Variants in CNTNAP2 observed in about 807,000 individuals in gnomAD.
CNTNAP2 encodes the protein contactin associated protein 2.
Under a neutral mutation model 155.2 loss-of-function variants are expected in CNTNAP2, and 98 were observed. The ratio of observed to expected loss-of-function variants is 0.63; its 90% CI spans 0.54 to 0.75. The LOEUF is 0.75. Ranked by LOEUF, CNTNAP2 falls within the 30% of genes least tolerant of loss-of-function variation. The probability of loss-of-function intolerance (pLI) is 0.00; values close to 1 mark genes in which losing one functional copy is unlikely to be tolerated. For missense variants in CNTNAP2, 1,727 were observed against 1,688.1 expected (o/e 1.02, Z -0.40); for synonymous variants, 651 against 631.2 (o/e 1.03, Z -0.47).
intron 1 of CNTNAP2, among the ~76,000 whole-genome samples, chr7:146,137,975 G>T (rs888594929): frequency 2.0e-5 from 3 of 151,572 alleles, no homozygotes; most frequent in Non-Finnish European, 2.9e-5. Context: ...ATGAGGTTTG[G>T]GTTTTTTTAT....
chr7:147,903,442 C>A, intron 13 of CNTNAP2, 123 bp from the exon 14 acceptor site: 1 of 1,071,784 alleles, frequency 9.3e-7, no homozygotes, highest in Non-Finnish European at 1.4e-6. Flanking sequence ...AATAAATTGA[C>A]TTTTAAGAGG....
At chr7:148,117,643 T>C (rs1472246250) in intron 15 of CNTNAP2, among the ~76,000 whole-genome samples, 1 of 152,144 alleles carries the variant, frequency 6.6e-6, no homozygotes, top group Non-Finnish European at 1.5e-5. Flanking sequence ...CCAGTACATA[T>C]GCAGGAGTTC....
rs558268285 is a variant in CNTNAP2, at chr7:147,848,981, A to G, written c.2099-54584A>G. 1.6e-4 allele frequency among the ~76,000 whole-genome samples: 24 copies of G among 152,202 alleles called. No homozygotes were observed. The South Asian group carries it at 4.8e-3, about 30-fold the overall frequency. ...TATTAGAGATTCTGTAACTCACATCACTTATGCCAGGCTCCAGCTACGTAC... is the reference window on the plus strand; with the variant it reads ...TATTAGAGATTCTGTAACTCACATCGCTTATGCCAGGCTCCAGCTACGTAC... On this transcript the variant is annotated intron_variant, in intron 13 of 23. Coordinates refer to ENST00000361727, the MANE Select transcript of CNTNAP2 (RefSeq NM_014141.6).
At position 146,665,952 on chromosome 7, in the gene CNTNAP2, A is replaced by G. The variant is rs927737153; in HGVS notation, c.98-108319A>G. ...GTATATTAATCAGAATGGGATAATTAGCATACCCATCATCTCAAACCTTTG... is the reference window on the plus strand; with the variant it reads ...GTATATTAATCAGAATGGGATAATTGGCATACCCATCATCTCAAACCTTTG... On this transcript the variant is annotated intron_variant, in intron 1 of 23. Transcript: ENST00000361727. Among the ~76,000 whole-genome samples, 7 of 152,152 alleles carry G rather than the reference A, an allele frequency of 4.6e-5. No homozygotes were observed. In the East Asian group the frequency reaches 1.2e-3, roughly 25 times the overall value.
In CNTNAP2 at chr7:148,204,565, C is replaced by T. The variant is rs549908694; in HGVS notation, c.3011-12723C>T. On this transcript the variant is annotated intron_variant, in intron 18 of 23. Transcript: ENST00000361727. ...CAAAAGTTTATCAAAAGTAATAGGG[C>T]TTTTGTAGATTTTTGGTTTTTCTTT... Among the ~76,000 whole-genome samples the T allele has an allele frequency of 1.6e-3, 242 of 151,648 alleles. 1 individual carries two copies. The highest frequency in any genetic ancestry group is 5.5e-3 in the African/African-American group (228 of 41,506).
intron 9 of CNTNAP2, among the ~76,000 whole-genome samples, chr7:147,364,854 A>G (rs1796200301): frequency 6.6e-6 from 1 of 151,982 alleles, no homozygotes; most frequent in African/African-American, 2.4e-5. Flanking sequence ...GTCTCGGGAA[A>G]AAAAAAAAAA....
intron 4 of CNTNAP2, among the ~76,000 whole-genome samples, chr7:147,076,600 A>G (rs1462668653): frequency 1.3e-5 from 2 of 152,182 alleles, no homozygotes; most frequent in Non-Finnish European, 2.9e-5. Flanking sequence ...TGACTTTCAA[A>G]GCAATTTTTA....
intron 1 of CNTNAP2, among the ~76,000 whole-genome samples, chr7:146,264,353 A>G (rs1364705807): frequency 6.6e-6 from 1 of 152,024 alleles, no homozygotes; most frequent in Non-Finnish European, 1.5e-5. Flanking sequence ...TCAGAGGCTG[A>G]GACAGGAGAG....
chr7:147,510,930 A>G (rs1799008078), intron 11 of CNTNAP2, among the ~76,000 whole-genome samples: 1 of 144,290 alleles, frequency 6.9e-6, no homozygotes, highest in Non-Finnish European at 1.5e-5. Context: ...GGATACCACC[A>G]GTCAATCCAA....
At chr7:147,746,162 G>C (rs565763588) in intron 13 of CNTNAP2, among the ~76,000 whole-genome samples, 1 of 152,286 alleles carries the variant, frequency 6.6e-6, no homozygotes, top group South Asian at 2.1e-4. Context: ...ACTCCCTGCA[G>C]GTCTATAGTA....
At chr7:147,443,988 C>T (rs1797687658) in intron 10 of CNTNAP2, among the ~76,000 whole-genome samples, 1 of 152,184 alleles carries the variant, frequency 6.6e-6, no homozygotes, top group African/African-American at 2.4e-5. Flanking sequence ...ATCTCAGTCT[C>T]CTATGCACCA....
In CNTNAP2 at chr7:147,700,393, C is replaced by T. The variant is rs377019279; in HGVS notation, c.2098+61087C>T. Reference sequence around the variant, plus strand: ...ACAGTCATAGAAGGTGACCCAGGTGCGTGTAACTGCACCAGTCCATTCCCC... The same window carrying T: ...ACAGTCATAGAAGGTGACCCAGGTGTGTGTAACTGCACCAGTCCATTCCCC... On this transcript the variant is annotated intron_variant, in intron 13 of 23. Coordinates refer to ENST00000361727, the MANE Select transcript of CNTNAP2 (RefSeq NM_014141.6). Among the ~76,000 whole-genome samples the T allele has an allele frequency of 1.4e-3, 215 of 152,244 alleles. 3 individuals are homozygous for T. In the South Asian group the frequency reaches 0.04, roughly 28 times the overall value.
intron 9 of CNTNAP2, among the ~76,000 whole-genome samples, chr7:147,356,099 G>C (rs1796058194): frequency 6.6e-6 from 1 of 152,110 alleles, no homozygotes; most frequent in African/African-American, 2.4e-5. Context: ...GATCAAGTCA[G>C]CTTCATCCCT....
At chr7:147,858,960 A>T (rs1286937879) in intron 13 of CNTNAP2, among the ~76,000 whole-genome samples, 1 of 152,194 alleles carries the variant, frequency 6.6e-6, no homozygotes, top group Non-Finnish European at 1.5e-5. Context: ...AACCCTGGGA[A>T]ACTTCTATAT....
chr7:146,140,341 A>T (rs1245022196), intron 1 of CNTNAP2, among the ~76,000 whole-genome samples: 1 of 152,072 alleles, frequency 6.6e-6, no homozygotes, highest in Non-Finnish European at 1.5e-5. Context: ...TCCATCTCCT[A>T]TTCATGCACA....
intron 4 of CNTNAP2, among the ~76,000 whole-genome samples, chr7:147,061,077 C>T (rs1799661117): frequency 7.4e-6 from 1 of 136,050 alleles, no homozygotes; most frequent in African/African-American, 3.5e-5. Context: ...AAAATAGTCA[C>T]ATTGATAGAA....
intron 1 of CNTNAP2, among the ~76,000 whole-genome samples, chr7:146,666,727 A>G (rs1336063421): frequency 6.6e-6 from 1 of 152,020 alleles, no homozygotes; most frequent in African/African-American, 2.4e-5. Flanking sequence ...TGTGGTTTTA[A>G]TTTGTATTTC....
intron 13 of CNTNAP2, among the ~76,000 whole-genome samples, chr7:147,732,369 A>T (rs1796757758): frequency 6.6e-6 from 1 of 152,004 alleles, no homozygotes; most frequent in Non-Finnish European, 1.5e-5. Flanking sequence ...ACATGAACTC[A>T]TCCTTTTTAT....
chr7:148,368,132 G>A (rs1335295001), intron 21 of CNTNAP2, among the ~76,000 whole-genome samples: 3 of 152,216 alleles, frequency 2.0e-5, no homozygotes, highest in African/African-American at 7.2e-5. Flanking sequence ...TGCAGCTTCA[G>A]TGCCTGGCTC....
Sources: gnomAD v4.1 joint callset for allele counts (sites outside exome capture counted in the v4.1 genomes callset) on GRCh38, gnomAD v4.1.1 for gene constraint, MANE v1.5 for transcripts, NCBI Gene and HGNC (gene_info 2026-07-23, HGNC 2026-07-21) for gene names.